Variants in ZIM2 observed in about 807,000 individuals in gnomAD.
ZIM2 encodes zinc finger imprinted 2.
Under a neutral mutation model 38.6 loss-of-function variants are expected in ZIM2, and 14 were observed. That is an observed-to-expected ratio of 0.36 (90% CI 0.24 to 0.57). The LOEUF (loss-of-function observed/expected upper bound fraction) is 0.57. Among genes scored for constraint, ZIM2 ranks in the 20% least tolerant of loss-of-function variants. The pLI is 0.81. For synonymous variants in ZIM2, 247 were observed against 245.8 expected (o/e 1.00, Z -0.04); for missense variants, 680 against 695.1 (o/e 0.98, Z 0.24).
intron 1 of ZIM2, among the ~76,000 whole-genome samples, chr19:56,840,084 G>T: frequency 1.3e-5 from 2 of 152,328 alleles, no homozygotes; most frequent in East Asian, 3.9e-4. Flanking sequence ...ATGGCACCCC[G>T]CAGGAAGGGG....
rs1484822631 is a variant in ZIM2, at chr19:56,813,957, ATCTTCACCT to A, written c.490+3780_490+3788del. 5.0e-6 allele frequency: 8 copies of A among 1,613,914 alleles called. No individual in the cohort carries two copies. In the Admixed American group the frequency reaches 5.0e-5, roughly 10 times the overall value. On this transcript the variant is annotated intron_variant, in intron 9 of 12. Transcript: ENST00000629319. ...ATGGTTCTTCTACCTGAATCTCTTG[ATCTTCACCT>A]TCTTCTGGGTCTTCAATTCCCACAC...
chr19:56,791,402 T>C (rs937901243), intron 9 of ZIM2: 1 of 152,240 alleles, frequency 6.6e-6, no homozygotes, highest in Admixed American at 6.5e-5. Context: ...AGTGCTCAAG[T>C]GTTCACTATT....
At chr19:56,834,739 G>A (rs1568721614) in intron 2 of ZIM2, among the ~76,000 whole-genome samples, 1 of 152,062 alleles carries the variant, frequency 6.6e-6, no homozygotes, top group Non-Finnish European at 1.5e-5. Flanking sequence ...CATCCCAAGG[G>A]CTCACCTGGT....
chr19:56,779,557 C>T (rs1283843048), intron 11 of ZIM2, 85 bp from the exon 12 acceptor site: 1 of 1,302,454 alleles, frequency 7.7e-7, no homozygotes, highest in Non-Finnish European at 1.1e-6. Context: ...AAGGAAGGAA[C>T]AAACTCTCGC....
At chr19:56,780,170 C>T (rs1179879369) in intron 11 of ZIM2, among the ~76,000 whole-genome samples, 1 of 151,950 alleles carries the variant, frequency 6.6e-6, no homozygotes, top group Non-Finnish European at 1.5e-5. Context: ...CATTTATAGT[C>T]ATATTCAGTA....
intron 11 of ZIM2, among the ~76,000 whole-genome samples, chr19:56,780,816 A>C (rs1418022320): frequency 6.6e-6 from 1 of 152,224 alleles, no homozygotes; most frequent in Non-Finnish European, 1.5e-5. Flanking sequence ...GGAAAATTGA[A>C]GAACTTCTTT....
chr19:56,840,114 C>T (rs190204002), intron 1 of ZIM2, among the ~76,000 whole-genome samples: 2 of 152,328 alleles, frequency 1.3e-5, no homozygotes, highest in African/African-American at 2.4e-5. Flanking sequence ...AGCCCCCAGA[C>T]CCAGCCCAGG....
intron 9 of ZIM2, among the ~76,000 whole-genome samples, chr19:56,795,242 A>G (rs1256541354): frequency 1.3e-5 from 2 of 152,056 alleles, no homozygotes; most frequent in Admixed American, 6.5e-5. Flanking sequence ...CTGCAGGGGC[A>G]CCGATTTTAG....
In ZIM2 at chr19:56,818,670, G is replaced by C. The variant is rs200146387; in HGVS notation, c.327C>G (p.Leu109=). The C allele has an allele frequency of 4.4e-5, 71 of 1,614,134 alleles. No individual in the cohort carries two copies. In the South Asian group the frequency reaches 7.0e-4, roughly 16 times the overall value. ...DAESYQNVVD[L]AEDRKPHNTI... is the part of the protein sequence containing the mutation. ...TGTTGTGAGGTTTCCTGTCCTCAGC[G>C]AGGTCCACCACATTTTGGTATGATT... Residue 109 remains leucine (L), a synonymous_variant, in exon 8 of 13, where the codon CTC becomes CTG. Transcript: ENST00000629319.
intron 10 of ZIM2, 26 bp downstream of exon 10, chr19:56,789,846 C>G: frequency 6.6e-7 from 1 of 1,512,754 alleles, no homozygotes; most frequent in Non-Finnish European, 9.0e-7. Flanking sequence ...TATTTGATAA[C>G]CATGTCAGAG....
intron 1 of ZIM2, among the ~76,000 whole-genome samples, chr19:56,836,752 T>A (rs1320856036): frequency 6.6e-6 from 1 of 152,142 alleles, no homozygotes; most frequent in East Asian, 1.9e-4. Flanking sequence ...GCAGATCACC[T>A]GAGGTCAGGA....
chr19:56,804,156 G>A (rs996759839), intron 9 of ZIM2, among the ~76,000 whole-genome samples: 7 of 152,230 alleles, frequency 4.6e-5, no homozygotes, highest in African/African-American at 9.6e-5. Context: ...GGGCTCCTCA[G>A]CTGGTCCAGT....
chr19:56,823,799 G>C lies in ZIM2; in HGVS notation c.17-120C>G. The C allele has an allele frequency of 1.7e-6, 2 of 1,208,932 alleles. 1 individual carries two copies. Among genetic ancestry groups the C allele is most frequent in the South Asian group, 2.6e-5 (2 of 77,354 alleles). 74.9% of individuals were successfully genotyped at this position (1,208,932 alleles called of 1,614,324 possible). A position where few individuals can be genotyped will look rare whatever the true frequency, so the allele number is the denominator to read the frequency against. Reference sequence around the variant, plus strand: ...CACATGGTTGGAATGACCTGATCCTGACATTTCTGAGTTCAAAACCCTTCA... The same window carrying C: ...CACATGGTTGGAATGACCTGATCCTCACATTTCTGAGTTCAAAACCCTTCA... On this transcript the variant is annotated intron_variant, in intron 4 of 12. Coordinates refer to ENST00000629319, the MANE Select transcript of ZIM2 (RefSeq NM_001387356.1).
chr19:56,823,513 C>T, intron 5 of ZIM2, 77 bp downstream of exon 5: 1 of 1,567,788 alleles, frequency 6.4e-7, no homozygotes, highest in Admixed American at 1.7e-5. Context: ...TTCATGGAGG[C>T]CCCAACCCAC....
intron 9 of ZIM2, chr19:56,812,175 TTTC>T: frequency 2.0e-6 from 2 of 978,780 alleles, no homozygotes; most frequent in Non-Finnish European, 2.4e-6. Flanking sequence ...CCAAAAAAAA[TTTC>T]TTAATATAGT....
intron 2 of ZIM2, among the ~76,000 whole-genome samples, chr19:56,827,602 T>C (rs922757257): frequency 6.6e-6 from 1 of 152,206 alleles, no homozygotes; most frequent in African/African-American, 2.4e-5. Flanking sequence ...AAATTAAAAG[T>C]GCACATATCC....
chr19:56,822,922 G>A, intron 5 of ZIM2, 86 bp from the exon 6 acceptor site: 1 of 1,520,902 alleles, frequency 6.6e-7, no homozygotes, highest in East Asian at 2.4e-5. Flanking sequence ...CCTCTGGAAA[G>A]AGATGCTACC....
At chr19:56,838,728 C>T (rs1392316884) in intron 1 of ZIM2, among the ~76,000 whole-genome samples, 1 of 152,218 alleles carries the variant, frequency 6.6e-6, no homozygotes, top group African/African-American at 2.4e-5. Context: ...CCCCCAGATG[C>T]GGGGACTGAG....
At chr19:56,825,674 T>A (rs1349620071) in intron 3 of ZIM2, among the ~76,000 whole-genome samples, 1 of 152,156 alleles carries the variant, frequency 6.6e-6, no homozygotes, top group Non-Finnish European at 1.5e-5. Flanking sequence ...CTGGTGCAAC[T>A]AAGTAAGGCA....
Sources: allele counts gnomAD v4.1 joint callset (sites outside exome capture counted in the v4.1 genomes callset), GRCh38; gene constraint gnomAD v4.1.1; transcripts MANE v1.5; gene names NCBI Gene and HGNC (gene_info 2026-07-23, HGNC 2026-07-21).